SLC16A12: variants seen among roughly 807,000 people sequenced by gnomAD.
SLC16A12 encodes the protein solute carrier family 16 member 12, also known as monocarboxylate transporter 12.
Under a neutral mutation model 42.4 loss-of-function variants are expected in SLC16A12, and 17 were observed. The ratio of observed to expected loss-of-function variants is 0.40; its 90% CI spans 0.27 to 0.60. The LOEUF is 0.60. SLC16A12 is among the 20% of genes least tolerant of loss of function. The probability of loss-of-function intolerance (pLI) is 0.42; values close to 1 mark genes in which losing one functional copy is unlikely to be tolerated. For synonymous variants in SLC16A12, 224 were observed against 229.4 expected, an observed-to-expected ratio of 0.98 and a Z score of 0.21; for missense variants, 544 against 623.0, an observed-to-expected ratio of 0.87 and a Z score of 1.35.
intron 2 of SLC16A12, among the ~76,000 whole-genome samples, chr10:89,473,891 C>A (rs1037051420): frequency 2.0e-5 from 3 of 152,160 alleles, no homozygotes; most frequent in African/African-American, 7.2e-5. Context: ...TTGGCTGGTC[C>A]TTGAAGTCCT....
In SLC16A12 at chr10:89,441,127, G is replaced by T; in HGVS notation, c.429C>A (p.Leu143=). ...SFATSLKHLY[L]TLGVLTGLGF... ...CCTTACCTGTAAGAACTCCCAGAGTGAGGTAGAGATGCTTCAGACTCGTGG... is the reference window on the plus strand; with the variant it reads ...CCTTACCTGTAAGAACTCCCAGAGTTAGGTAGAGATGCTTCAGACTCGTGG... Residue 143 remains leucine, a synonymous_variant, in exon 5 of 8, where the codon CTC becomes CTA. Coordinates refer to ENST00000371790, the MANE Select transcript of SLC16A12 (RefSeq NM_213606.4). 1 of 1,613,972 alleles carries T rather than the reference G, an allele frequency of 6.2e-7. No individual in the cohort carries two copies. The highest frequency in any genetic ancestry group is 8.5e-7 in the Non-Finnish European group (1 of 1,179,842).
upstream of SLC16A12, among the ~76,000 whole-genome samples, chr10:89,539,855 A>ATT (rs1371427455): frequency 1.2e-5 from 1 of 81,316 alleles, no homozygotes. Flanking sequence ...CAAGAAACAA[A>ATT]TTTTTCTTTC....
At chr10:89,508,126 T>C (rs921398511) in intron 2 of SLC16A12, among the ~76,000 whole-genome samples, 22 of 152,142 alleles carry the variant, frequency 1.4e-4, no homozygotes, top group Admixed American at 1.2e-3. Flanking sequence ...ACAGCAATAG[T>C]GGGAGACTTT....
At chr10:89,455,275 C>CT (rs952097425) in intron 3 of SLC16A12, among the ~76,000 whole-genome samples, 1 of 152,130 alleles carries the variant, frequency 6.6e-6, no homozygotes, top group African/African-American at 2.4e-5. Context: ...ATAATAATCT[C>CT]TTTTTTTCAC....
intron 2 of SLC16A12, among the ~76,000 whole-genome samples, chr10:89,501,184 G>A (rs1289513995): frequency 6.6e-6 from 1 of 152,184 alleles, no homozygotes; most frequent in Non-Finnish European, 1.5e-5. Context: ...CACATCCCAT[G>A]CTCATGGATG....
chr10:89,551,581 G>T (rs189138881), intron 2 of SLC16A12, among the ~76,000 whole-genome samples: 172 of 152,290 alleles, frequency 1.1e-3, no homozygotes, highest in Admixed American at 0.01. Context: ...ATCTTGAATT[G>T]TACTCCCATA....
chr10:89,493,482 C>T (rs1842878612), intron 2 of SLC16A12, among the ~76,000 whole-genome samples: 1 of 152,174 alleles, frequency 6.6e-6, no homozygotes, highest in South Asian at 2.1e-4. Flanking sequence ...TTTGGCCTCC[C>T]AAATGAATTC....
chr10:89,458,560 A>G (rs1328930713), intron 3 of SLC16A12, among the ~76,000 whole-genome samples: 1 of 152,192 alleles, frequency 6.6e-6, no homozygotes, highest in African/African-American at 2.4e-5. Flanking sequence ...TACCACCGGA[A>G]GGTATTTCTG....
chr10:89,484,009 G>A (rs1842710861), intron 2 of SLC16A12, among the ~76,000 whole-genome samples: 1 of 152,146 alleles, frequency 6.6e-6, no homozygotes, highest in African/African-American at 2.4e-5. Context: ...CAGAACCCAG[G>A]TGTGGTGGCA....
chr10:89,472,182 G>A (rs1435304926), intron 2 of SLC16A12, among the ~76,000 whole-genome samples: 2 of 151,858 alleles, frequency 1.3e-5, no homozygotes, highest in Non-Finnish European at 2.9e-5. Context: ...CTATATTAGT[G>A]AATAATTAGA....
intron 2 of SLC16A12, among the ~76,000 whole-genome samples, chr10:89,481,664 T>TGTGAGA (rs559651910): frequency 0.076 from 10,574 of 138,308 alleles, 408 homozygotes; most frequent in Middle Eastern, 0.11. Flanking sequence ...TGTGTGTGTG[T>TGTGAGA]GAGAGAGAGA....
chr10:89,531,511 T>A (rs1434784009), intron 2 of SLC16A12, among the ~76,000 whole-genome samples: 2 of 152,162 alleles, frequency 1.3e-5, no homozygotes, highest in Admixed American at 1.3e-4. Context: ...ACAAATTTAT[T>A]AAGATGATAG....
At chr10:89,503,513 A>G (rs1485530692) in intron 2 of SLC16A12, among the ~76,000 whole-genome samples, 2 of 152,192 alleles carry the variant, frequency 1.3e-5, no homozygotes, top group African/African-American at 4.8e-5. Flanking sequence ...ATATGAAGTG[A>G]TTTCACACTG....
chr10:89,507,992 A>G (rs1369840418), intron 2 of SLC16A12, among the ~76,000 whole-genome samples: 2 of 152,254 alleles, frequency 1.3e-5, no homozygotes, highest in Non-Finnish European at 2.9e-5. Context: ...AGGCCATTAC[A>G]TAATGGTAAC....
At chr10:89,440,796 T>G (rs1033751903) in intron 5 of SLC16A12, among the ~76,000 whole-genome samples, 4 of 152,220 alleles carry the variant, frequency 2.6e-5, no homozygotes, top group Non-Finnish European at 4.4e-5. Context: ...AGAATGACCA[T>G]TGCTGAAAAT....
At chr10:89,495,053 A>G (rs1478663613) in intron 2 of SLC16A12, among the ~76,000 whole-genome samples, 6 of 152,162 alleles carry the variant, frequency 3.9e-5, no homozygotes, top group African/African-American at 1.2e-4. Context: ...ATTACTCTAA[A>G]AACACTAGGA....
chr10:89,533,111 A>T (rs73363816), intron 2 of SLC16A12, among the ~76,000 whole-genome samples: 11,562 of 152,182 alleles, frequency 0.076, 633 homozygotes, highest in African/African-American at 0.16. Context: ...TCAGCTCATA[A>T]AAGTCAAAGT....
chr10:89,527,657 T>C (rs1262766101), intron 2 of SLC16A12, among the ~76,000 whole-genome samples: 1 of 150,490 alleles, frequency 6.6e-6, no homozygotes, highest in Non-Finnish European at 1.5e-5. Flanking sequence ...AAAAAAATTA[T>C]TTATCTGGGC....
At chr10:89,498,093 C>T (rs1842948100) in intron 2 of SLC16A12, among the ~76,000 whole-genome samples, 1 of 152,062 alleles carries the variant, frequency 6.6e-6, no homozygotes, top group African/African-American at 2.4e-5. Flanking sequence ...GCAGAGCCCA[C>T]AAGTTCAAGA....
Sources: allele counts gnomAD v4.1 joint callset (sites outside exome capture counted in the v4.1 genomes callset), GRCh38; gene constraint gnomAD v4.1.1; transcripts MANE v1.5; gene names NCBI Gene and HGNC (gene_info 2026-07-23, HGNC 2026-07-21).